Variants in ROBO2 observed in about 807,000 individuals in gnomAD.
The protein encoded by ROBO2 is roundabout homolog 2.
A neutral mutation model predicts 160.8 loss-of-function variants in ROBO2; 53 were observed. The ratio of observed to expected loss-of-function variants is 0.33; its 90% CI spans 0.26 to 0.41. The LOEUF (loss-of-function observed/expected upper bound fraction) is 0.41. Among genes scored for constraint, ROBO2 ranks in the 10% least tolerant of loss-of-function variants. The pLI is 1.00. For missense variants in ROBO2, 1,577 were observed against 1,722.4 expected, an observed-to-expected ratio of 0.92 and a Z score of 1.49; for synonymous variants, 664 against 611.7, an observed-to-expected ratio of 1.09 and a Z score of -1.26.
intron 2 of ROBO2, among the ~76,000 whole-genome samples, chr3:76,672,337 T>A (rs1344512140): frequency 2.0e-5 from 3 of 152,154 alleles, no homozygotes; most frequent in Non-Finnish European, 2.9e-5. Flanking sequence ...CAGAACTTCA[T>A]GTCCTAGTGA....
At chr3:76,278,729 C>A (rs182437178) in intron 2 of ROBO2, among the ~76,000 whole-genome samples, 1 of 152,050 alleles carries the variant, frequency 6.6e-6, no homozygotes, top group African/African-American at 2.4e-5. Flanking sequence ...GTTCTGTGTT[C>A]ATGATCAGGC....
At chr3:77,241,138 A>G (rs1580304498) in intron 2 of ROBO2, among the ~76,000 whole-genome samples, 1 of 152,196 alleles carries the variant, frequency 6.6e-6, no homozygotes, top group Non-Finnish European at 1.5e-5. Flanking sequence ...GTACTTTTTC[A>G]TATTTGATCA....
chr3:76,259,915 G>A (rs1706636741), intron 2 of ROBO2, among the ~76,000 whole-genome samples: 1 of 152,134 alleles, frequency 6.6e-6, no homozygotes, highest in South Asian at 2.1e-4. Flanking sequence ...CAGTGAATCT[G>A]TCAGGCTAAC....
intron 2 of ROBO2, among the ~76,000 whole-genome samples, chr3:76,174,598 A>G (rs1575753335): frequency 6.6e-6 from 1 of 152,278 alleles, no homozygotes; most frequent in African/African-American, 2.4e-5. Flanking sequence ...CAGTTTTCCC[A>G]GGATCATTTA....
At chr3:76,833,582 T>C (rs1029390704) in intron 2 of ROBO2, among the ~76,000 whole-genome samples, 2 of 152,220 alleles carry the variant, frequency 1.3e-5, no homozygotes, top group Non-Finnish European at 2.9e-5. Flanking sequence ...AACTTAGACA[T>C]GCTGGTGGGA....
intron 2 of ROBO2, among the ~76,000 whole-genome samples, chr3:76,764,756 G>A (rs9815817): frequency 0.67 from 101,130 of 151,260 alleles, 34,201 homozygotes; most frequent in African/African-American, 0.78. Context: ...AACTTTTTCA[G>A]CCACCTCTCT....
At chr3:77,436,827 G>A (rs1038223607) in intron 2 of ROBO2, among the ~76,000 whole-genome samples, 1 of 151,878 alleles carries the variant, frequency 6.6e-6, no homozygotes, top group Non-Finnish European at 1.5e-5. Context: ...AATAAGGAAA[G>A]AAACTATTAT....
chr3:77,449,949 G>T (rs991321723), intron 2 of ROBO2, among the ~76,000 whole-genome samples: 4 of 151,850 alleles, frequency 2.6e-5, no homozygotes, highest in Admixed American at 1.3e-4. Flanking sequence ...TAATAAATCT[G>T]CCATCTGCCT....
chr3:77,326,168 T>C (rs1364602987), intron 2 of ROBO2, among the ~76,000 whole-genome samples: 2 of 152,196 alleles, frequency 1.3e-5, no homozygotes, highest in Non-Finnish European at 2.9e-5. Context: ...ATGATTCCAG[T>C]CGTAAATGGA....
chr3:76,436,567 G>A (rs2076693659), intron 2 of ROBO2, among the ~76,000 whole-genome samples: 1 of 151,758 alleles, frequency 6.6e-6, no homozygotes, highest in Non-Finnish European at 1.5e-5. Context: ...TTTTTTTTTG[G>A]TGGGAAGAGA....
intron 2 of ROBO2, among the ~76,000 whole-genome samples, chr3:75,992,212 T>G (rs2065593392): frequency 6.6e-6 from 1 of 152,088 alleles, no homozygotes; most frequent in Non-Finnish European, 1.5e-5. Context: ...CTCTAGGGCA[T>G]ATGAAAGGTC....
intron 24 of ROBO2, among the ~76,000 whole-genome samples, chr3:77,644,120 T>TA (rs35421897): frequency 0.15 from 22,220 of 150,388 alleles, 1,722 homozygotes; most frequent in Middle Eastern, 0.22. Context: ...AGACAATCTG[T>TA]AAAAAAAAAA....
intron 2 of ROBO2, among the ~76,000 whole-genome samples, chr3:77,394,344 C>A (rs1038723031): frequency 1.3e-5 from 2 of 152,030 alleles, no homozygotes; most frequent in Admixed American, 6.6e-5. Context: ...TGGTCGCCTC[C>A]CTATTCTTGA....
At chr3:75,992,076 T>A (rs2065589072) in intron 2 of ROBO2, among the ~76,000 whole-genome samples, 1 of 152,034 alleles carries the variant, frequency 6.6e-6, no homozygotes, top group Non-Finnish European at 1.5e-5. Context: ...GTTTGGAAAA[T>A]TTGCAGCCTG....
chr3:77,496,009 G>T (rs1250801958), intron 5 of ROBO2, among the ~76,000 whole-genome samples: 1 of 152,134 alleles, frequency 6.6e-6, no homozygotes, highest in African/African-American at 2.4e-5. Flanking sequence ...AAGTACAAAT[G>T]ATACATATAA....
chr3:77,253,315 A>T (rs1369463908), intron 2 of ROBO2, among the ~76,000 whole-genome samples: 1 of 152,270 alleles, frequency 6.6e-6, no homozygotes, highest in Non-Finnish European at 1.5e-5. Context: ...CATTTCTATG[A>T]GTTGAATTAT....
At position 77,191,102 on chromosome 3, in the gene ROBO2, A is replaced by G. The variant is rs186345457; in HGVS notation, c.388+92762A>G. On this transcript the variant is annotated intron_variant, in intron 2 of 25. Transcript: ENST00000461745. ...CCATTAAATGCTAAATAAACACATT[A>G]TACATGTGTGGGATATTTATCTAAG... Among the ~76,000 whole-genome samples, 159 of 152,264 alleles carry G rather than the reference A, an allele frequency of 1.0e-3. 1 individual carries two copies. Among genetic ancestry groups the G allele is most frequent in the Non-Finnish European group, 1.0e-4 (7 of 67,988 alleles).
At chr3:76,269,248 G>A (rs1707281165) in intron 2 of ROBO2, among the ~76,000 whole-genome samples, 1 of 152,012 alleles carries the variant, frequency 6.6e-6, no homozygotes, top group African/African-American at 2.4e-5. Context: ...ATTACACATT[G>A]TATGCCTGGA....
At chr3:76,692,286 C>A (rs893422699) in intron 2 of ROBO2, among the ~76,000 whole-genome samples, 2 of 152,120 alleles carry the variant, frequency 1.3e-5, no homozygotes, top group African/African-American at 4.8e-5. Flanking sequence ...TATGAGAAGT[C>A]TCTGGTCCCT....
Sources: gnomAD v4.1 joint callset for allele counts (sites outside exome capture counted in the v4.1 genomes callset) on GRCh38, gnomAD v4.1.1 for gene constraint, MANE v1.5 for transcripts, NCBI Gene and HGNC (gene_info 2026-07-23, HGNC 2026-07-21) for gene names.